Variants in APPBP2 observed in about 807,000 individuals in gnomAD.
APPBP2 encodes amyloid beta precursor protein binding protein 2.
Under a neutral mutation model 76.0 loss-of-function variants are expected in APPBP2, and 15 were observed. The ratio of observed to expected loss-of-function variants is 0.20; its 90% confidence interval spans 0.13 to 0.30. The LOEUF (loss-of-function observed/expected upper bound fraction) is 0.30. Ranked by LOEUF, APPBP2 falls within the 10% of genes least tolerant of loss-of-function variation. The pLI, the probability that APPBP2 is intolerant of heterozygous loss-of-function variation, is 1.00. For missense variants in APPBP2, 401 were observed against 687.2 expected (o/e 0.58, Z 4.66); for synonymous variants, 222 against 242.2 (o/e 0.92, Z 0.77).
chr17:60,491,528 T>C (rs2143422656), intron 3 of APPBP2, among the ~76,000 whole-genome samples: 1 of 152,306 alleles, frequency 6.6e-6, no homozygotes, highest in East Asian at 1.9e-4. Flanking sequence ...CACTGCAACC[T>C]CTGCCTTCCA....
At chr17:60,488,688 T>C (rs1412182545) in intron 3 of APPBP2, among the ~76,000 whole-genome samples, 1 of 152,200 alleles carries the variant, frequency 6.6e-6, no homozygotes, top group Non-Finnish European at 1.5e-5. Flanking sequence ...CCAAGGTATC[T>C]AGTTGGGTCA....
chr17:60,464,948 G>A (rs2090500072), intron 5 of APPBP2: 1 of 152,250 alleles, frequency 6.6e-6, no homozygotes, highest in South Asian at 2.1e-4. Context: ...CTACTTGGTA[G>A]AGCTGAGGTG....
At chr17:60,487,796 A>T (rs1370037329) in intron 3 of APPBP2, among the ~76,000 whole-genome samples, 3 of 152,186 alleles carry the variant, frequency 2.0e-5, no homozygotes, top group Non-Finnish European at 4.4e-5. Flanking sequence ...TAGAATTTTC[A>T]GCTTTTCTGC....
intron 4 of APPBP2, 22 bp downstream of exon 4, chr17:60,479,126 T>C: frequency 1.2e-6 from 2 of 1,603,076 alleles, no homozygotes; most frequent in East Asian, 2.2e-5. Flanking sequence ...AGCACGTAAT[T>C]ACAGGATATG....
rs1186296701 is a variant in APPBP2 at position 60,464,064 on chromosome 17, A to G, written c.719T>C (p.Leu240Ser). 3 of 1,612,106 alleles carry G rather than the reference A, an allele frequency of 1.9e-6. No individual in the cohort carries two copies. The highest frequency in any genetic ancestry group is 1.7e-6 in the Non-Finnish European group (2 of 1,179,282). Reference sequence around the variant, plus strand: ...GACATCCACCACAACTTTCACTGGTAAGCCTGCTGTAATTTCTTTCATTGC... The same window carrying G: ...GACATCCACCACAACTTTCACTGGTGAGCCTGCTGTAATTTCTTTCATTGC... Reference protein sequence around the residue: ...IEAMKEITAGLPVKVVVDVLR... With the variant: ...IEAMKEITAGSPVKVVVDVLR... Residue 240 changes from leucine (L) to serine (S), a missense_variant, in exon 6 of 13, where the codon TTA becomes TCA. Around this residue, in one of 5 missense-constraint regions of APPBP2, gnomAD observed 64 missense variants for 72.9 expected, o/e 0.88. Transcript: ENST00000083182.
At chr17:60,515,671 A>G (rs1404771631) in intron 1 of APPBP2, among the ~76,000 whole-genome samples, 1 of 152,220 alleles carries the variant, frequency 6.6e-6, no homozygotes, top group African/African-American at 2.4e-5. Context: ...TATATTATAC[A>G]TCCAGTTTCC....
intron 2 of APPBP2, among the ~76,000 whole-genome samples, chr17:60,495,450 A>G (rs1040815352): frequency 7.4e-6 from 1 of 135,064 alleles, no homozygotes; most frequent in African/African-American, 3.2e-5. Flanking sequence ...TTATTTATTT[A>G]TTTATTTATT....
In APPBP2 at chr17:60,444,987, C is replaced by T. The variant is rs1052000990; in HGVS notation, c.*2594G>A. 6.6e-6 allele frequency: 1 copy of T among 152,096 alleles called. No homozygotes were observed. The highest frequency in any genetic ancestry group is 1.5e-5 in the Non-Finnish European group (1 of 67,996). The allele number at this position is 152,096 out of a possible 1,614,324, so 9.4% of individuals were successfully genotyped here. A position where few individuals can be genotyped will look rare whatever the true frequency, so the allele number is the denominator to read the frequency against. On this transcript the variant is annotated 3_prime_UTR_variant, in exon 13 of 13. Transcript: ENST00000083182. ...ATTGTGAGATAAATTTTATTATTTT[C>T]TTCAAGATTTTTAAGAAACCCAATA...
In APPBP2 at chr17:60,460,550, C is replaced by T. The variant is rs7208772; in HGVS notation, c.1061+113G>A. On this transcript the variant is annotated intron_variant, in intron 9 of 12. Coordinates refer to ENST00000083182, the MANE Select transcript of APPBP2 (RefSeq NM_006380.5). ...AAGCTCCAGGAAGACAAGTTCAATC[C>T]ATAAAGTATATCAAGTACTATTATT... The T allele has an allele frequency of 0.019, 20,242 of 1,069,422 alleles. 2,671 individuals carry two copies. In the African/African-American group the frequency reaches 0.29, roughly 15 times the overall value. 66.2% of individuals were successfully genotyped at this position (1,069,422 alleles called of 1,614,324 possible). A position where few individuals can be genotyped will look rare whatever the true frequency, so the allele number is the denominator to read the frequency against.
At chr17:60,508,130 T>C (rs1025076113) in intron 1 of APPBP2, among the ~76,000 whole-genome samples, 1 of 152,132 alleles carries the variant, frequency 6.6e-6, no homozygotes, top group East Asian at 1.9e-4. Context: ...GAGCCACCAA[T>C]GCCTGGCTAA....
At chr17:60,525,717 G>A in intron 1 of APPBP2, 77 bp downstream of exon 1, 1 of 1,596,926 alleles carries the variant, frequency 6.3e-7, no homozygotes, top group Admixed American at 1.7e-5. Flanking sequence ...GTTAACTGCG[G>A]GGGTTCGCAG....
chr17:60,488,648 C>CT (rs1368875299), intron 3 of APPBP2, among the ~76,000 whole-genome samples: 1 of 152,030 alleles, frequency 6.6e-6, no homozygotes, highest in Non-Finnish European at 1.5e-5. Flanking sequence ...AGACTGATAA[C>CT]TGTGAGTTTG....
At chr17:60,457,128 C>CAAAAAAA (rs10713718) in intron 9 of APPBP2, among the ~76,000 whole-genome samples, 1 of 124,004 alleles carries the variant, frequency 8.1e-6, no homozygotes, top group Non-Finnish European at 1.8e-5. Flanking sequence ...AAGACTGTCT[C>CAAAAAAA]AAAAAAAAAA....
At chr17:60,505,676 G>GTTTTTTGT (rs2090861175) in intron 1 of APPBP2, among the ~76,000 whole-genome samples, 2 of 85,710 alleles carry the variant, frequency 2.3e-5, no homozygotes, top group African/African-American at 1.5e-4. Context: ...GACCCCTGCG[G>GTTTTTTGT]TTTTTTTTTT....
Position 60,452,014 on chromosome 17 carries a change from T to C in APPBP2, c.1370A>G (p.Gln457Arg), listed in dbSNP as rs1174609502. 2 of 1,613,146 alleles carry C rather than the reference T, an allele frequency of 1.2e-6. No individual in the cohort carries two copies. Among genetic ancestry groups the C allele is most frequent in the Non-Finnish European group, 1.7e-6 (2 of 1,179,766 alleles). ...TTGACCAAGAAGTTGTTCTTTAATC[T>C]GAATTGCTTTGATGTGCATTTCTTC... ...EAEEMHIKAI[Q>R]IKEQLLGQED... Residue 457 changes from glutamine (Q) to arginine (R), a missense_variant, in exon 12 of 13, where the codon CAG (glutamine) becomes CGG (arginine). This residue lies in a region of APPBP2 where 130 missense variants were observed against 322.7 expected (regional missense o/e 0.40). Transcript: ENST00000083182.
chr17:60,468,927 T>C (rs1253208928), intron 4 of APPBP2, among the ~76,000 whole-genome samples: 1 of 152,164 alleles, frequency 6.6e-6, no homozygotes, highest in African/African-American at 2.4e-5. Flanking sequence ...AAGTCATTAG[T>C]TTACTAATAT....
intron 1 of APPBP2, among the ~76,000 whole-genome samples, chr17:60,520,933 A>G (rs1196164437): frequency 1.3e-5 from 2 of 152,014 alleles, no homozygotes; most frequent in African/African-American, 4.8e-5. Context: ...GAGTTCTAGA[A>G]TTTTCTTTTA....
rs1268497367 is a variant in APPBP2 at position 60,526,180 on chromosome 17, G to A, written c.-249C>T. ...GCCAGGCCAAAAGCGTCACAATCCC[G>A]GTTCGAGAGGAACCCGGGTTCCGTC... On this transcript the variant is annotated 5_prime_UTR_variant, in exon 1 of 13. Transcript: ENST00000083182. The A allele has an allele frequency of 1.0e-5, 5 of 496,350 alleles. No homozygotes were observed. The highest frequency in any genetic ancestry group is 1.8e-5 in the Non-Finnish European group (5 of 271,418). 30.7% of individuals were successfully genotyped at this position (496,350 alleles called of 1,614,324 possible).
intron 3 of APPBP2, among the ~76,000 whole-genome samples, chr17:60,490,868 T>G (rs990261803): frequency 1.3e-5 from 2 of 152,226 alleles, no homozygotes; most frequent in African/African-American, 4.8e-5. Context: ...CCACCATGAT[T>G]GTGAGGCCTC....
Sources: allele counts gnomAD v4.1 joint callset (sites outside exome capture counted in the v4.1 genomes callset), GRCh38; gene constraint gnomAD v4.1.1; regional missense constraint gnomAD v4.1.1; transcripts MANE v1.5; gene names NCBI Gene and HGNC (gene_info 2026-07-23, HGNC 2026-07-21).